ECHDC2: variants seen among roughly 807,000 people sequenced by gnomAD.
ECHDC2 encodes enoyl-CoA hydratase domain containing 2, also known as enoyl-CoA hydratase domain-containing protein 2, mitochondrial.
Under a neutral mutation model 40.6 loss-of-function variants are expected in ECHDC2, and 34 were observed. That is an observed-to-expected ratio of 0.84 (90% CI 0.64 to 1.11). The LOEUF (loss-of-function observed/expected upper bound fraction) is 1.11. Among genes scored for constraint, ECHDC2 ranks in the 50% most tolerant of loss-of-function variants. The probability of loss-of-function intolerance (pLI) is 0.00; values close to 1 mark genes in which losing one functional copy is unlikely to be tolerated. For synonymous variants in ECHDC2, 162 were observed against 166.6 expected (o/e 0.97, Z 0.21); for missense variants, 392 against 400.7 (o/e 0.98, Z 0.19).
rs1649235233 is a variant in ECHDC2 at position 52,910,621 on chromosome 1, G to A, written c.277+945C>T. Among the ~76,000 whole-genome samples the A allele has an allele frequency of 2.0e-5, 3 of 151,914 alleles. No homozygotes were observed. In the South Asian group the frequency reaches 6.3e-4, roughly 32 times the overall value. ...TGACCTCAGGTGATCCACACACCTC[G>A]GCCTCCCAAAGTGCTGGGATTACAG... On this transcript the variant is annotated intron_variant, in intron 3 of 9. Coordinates refer to ENST00000371522, the MANE Select transcript of ECHDC2 (RefSeq NM_001198961.2).
chr1:52,902,044 A>G (rs779114397), intron 7 of ECHDC2: 7 of 152,142 alleles, frequency 4.6e-5, no homozygotes, highest in Non-Finnish European at 1.0e-4. Context: ...AAAAAAGACA[A>G]ATGCTTTCAA....
At chr1:52,905,345 A>C in intron 5 of ECHDC2, 1 of 542,754 alleles carries the variant, frequency 1.8e-6, no homozygotes, top group Non-Finnish European at 3.3e-6. Context: ...CCAAGCCTCA[A>C]AGGTGGAAGA....
intron 3 of ECHDC2, among the ~76,000 whole-genome samples, chr1:52,910,352 G>GCTTTTTTTTTTTTTTTTTTTTTT (rs1649094598): frequency 3.1e-5 from 1 of 32,062 alleles, no homozygotes; most frequent in African/African-American, 1.1e-4. Context: ...CCACAATTTC[G>GCTTTTTTTTTTTTTTTTTTTTTT]TTTTTTTTTT....
At chr1:52,913,858 C>T (rs1650108237) in intron 1 of ECHDC2, 2 of 1,005,768 alleles carry the variant, frequency 2.0e-6, no homozygotes, top group Non-Finnish European at 2.5e-6. Context: ...ACGTATCTGC[C>T]TTGGCTTTGG....
chr1:52,917,392 G>T (rs1381917821), intron 1 of ECHDC2, among the ~76,000 whole-genome samples: 1 of 152,168 alleles, frequency 6.6e-6, no homozygotes, highest in Non-Finnish European at 1.5e-5. Context: ...CAGCCTAGAA[G>T]AGAGACAAGT....
rs776260558 is a variant in ECHDC2, at chr1:52,904,784, C to T, written c.564G>A (p.Glu188=). Residue 188 remains glutamate, a synonymous_variant, in exon 7 of 10, where the codon GAG becomes GAA. Transcript: ENST00000371522. ...TCAGTCGTCGGCCCGTGAAGATGAG[C>T]TCCTTCGCCAGGGCCACCCCCAGAC... is the stretch of plus-strand genomic sequence containing the variant. ...PRCLGVALAK[E]LIFTGRRLSG... 6 of 1,613,180 alleles carry T rather than the reference C, an allele frequency of 3.7e-6. No individual in the cohort carries two copies. The Admixed American group carries it at 1.0e-4, about 27-fold the overall frequency.
rs1462975361 is a variant in ECHDC2 at position 52,921,712 on chromosome 1, T to C, written c.-39A>G. The C allele has an allele frequency of 2.1e-6, 3 of 1,449,772 alleles. No individual in the cohort carries two copies. The highest frequency in any genetic ancestry group is 2.7e-6 in the Non-Finnish European group (3 of 1,104,924). The allele number at this position is 1,449,772 out of a possible 1,614,324, so 89.8% of individuals were successfully genotyped here. A position where few individuals can be genotyped will look rare whatever the true frequency, so the allele number is the denominator to read the frequency against. ...GGGAGTGAAGGTGCTTCTCCGGCCC[T>C]GCACCGTCTCGGCTCCCGCTGAGAG... is the stretch of plus-strand genomic sequence containing the variant. On this transcript the variant is annotated 5_prime_UTR_variant, in exon 1 of 10. Transcript: ENST00000371522.
chr1:52,903,155 C>T lies in ECHDC2; in HGVS notation c.702+1491G>A, dbSNP rs143074599. ...AGATATCCCTGCTGAGGGCTTTGGG[C>T]CCTGCAGCTGGTAGGGTTGTACCTG... On this transcript the variant is annotated intron_variant, in intron 7 of 9. Coordinates refer to ENST00000371522, the MANE Select transcript of ECHDC2 (RefSeq NM_001198961.2). 8.3e-3 allele frequency among the ~76,000 whole-genome samples: 1,265 copies of T among 152,214 alleles called. 13 individuals carry two copies. Among genetic ancestry groups the T allele is most frequent in the South Asian group, 0.015 (72 of 4,824 alleles).
At chr1:52,897,636 AC>A in intron 8 of ECHDC2, 152 bp from the exon 9 acceptor site, 1 of 745,456 alleles carries the variant, frequency 1.3e-6, no homozygotes, top group Non-Finnish European at 2.4e-6. Flanking sequence ...ACCATTCGTA[AC>A]TATGACAAAA....
chr1:52,908,132 G>A (rs2150053556), intron 3 of ECHDC2, among the ~76,000 whole-genome samples, 178 bp from the exon 4 acceptor site: 1 of 152,320 alleles, frequency 6.6e-6, no homozygotes, highest in East Asian at 1.9e-4. Flanking sequence ...AGGAGGGTGT[G>A]ACACTGCAGA....
intron 9 of ECHDC2, 154 bp from the exon 10 acceptor site, chr1:52,896,751 C>A: frequency 1.6e-6 from 1 of 626,690 alleles, no homozygotes; most frequent in East Asian, 2.8e-5. Flanking sequence ...TATAAGCCTC[C>A]GTGGCTGCTT....
At chr1:52,899,477 A>G in intron 7 of ECHDC2, 1 of 538,434 alleles carries the variant, frequency 1.9e-6, no homozygotes, top group Non-Finnish European at 3.3e-6. Context: ...AACATGCACA[A>G]CATAACTAGT....
At position 52,904,644 on chromosome 1, in the gene ECHDC2, A is replaced by ACCTGGGGCAGGATCT; in HGVS notation, c.689_702+1dup. The ACCTGGGGCAGGATCT allele has an allele frequency of 6.3e-7, 1 of 1,582,830 alleles. No homozygotes were observed. Among genetic ancestry groups the ACCTGGGGCAGGATCT allele is most frequent in the Non-Finnish European group, 8.6e-7 (1 of 1,163,096 alleles). ...CCTTCTGGTGCCGAGCTGTCACCAC[A>ACCTGGGGCAGGATCT]CCTGGGGCAGGATCTCCTGGGCCAG... On this transcript the variant is annotated splice_donor_variant, in intron 7 of 9. Coordinates refer to ENST00000371522, the MANE Select transcript of ECHDC2 (RefSeq NM_001198961.2). LOFTEE classifies it high-confidence loss of function.
chr1:52,896,827 G>A (rs1441905649), intron 9 of ECHDC2: 3 of 517,492 alleles, frequency 5.8e-6, no homozygotes, highest in South Asian at 2.6e-5. Context: ...GCCTCCACTT[G>A]CACACTGCTT....
At chr1:52,913,817 A>G (rs1650097374) in intron 1 of ECHDC2, 1 of 630,886 alleles carries the variant, frequency 1.6e-6, no homozygotes, top group East Asian at 1.0e-4. Context: ...GGTGGTGTAC[A>G]CTCTGTGGGT....
intron 1 of ECHDC2, among the ~76,000 whole-genome samples, chr1:52,917,113 C>T (rs1222723986): frequency 6.6e-6 from 1 of 151,942 alleles, no homozygotes; most frequent in Non-Finnish European, 1.5e-5. Flanking sequence ...ATCCCAGCTA[C>T]TTGGGAGGCT....
intron 3 of ECHDC2, among the ~76,000 whole-genome samples, chr1:52,909,523 TAA>T (rs35263010): frequency 4.4e-4 from 60 of 135,268 alleles, no homozygotes; most frequent in Non-Finnish European, 5.9e-4. Context: ...CTGATGAGCT[TAA>T]AAAAAAAAAA....
intron 1 of ECHDC2, chr1:52,915,208 TC>T: frequency 4.4e-6 from 2 of 455,994 alleles, no homozygotes; most frequent in Non-Finnish European, 8.8e-6. Context: ...AGGGCTGAAA[TC>T]CAGCAGGTGC....
rs114718626 is a variant in ECHDC2, at chr1:52,906,115, C to G, written c.457+404G>C. On this transcript the variant is annotated intron_variant, in intron 5 of 9. Coordinates refer to ENST00000371522, the MANE Select transcript of ECHDC2 (RefSeq NM_001198961.2). ...TGCAAATTTGGCTGGTGCCAGTATT[C>G]CTGCCCAGGCACCTTTGTGATTAGC... is the stretch of plus-strand genomic sequence containing the variant. The G allele has an allele frequency of 7.4e-4, 260 of 353,256 alleles. 1 individual carries two copies. Among genetic ancestry groups the G allele is most frequent in the African/African-American group, 5.3e-3 (248 of 46,824 alleles). The allele number at this position is 353,256 out of a possible 1,614,324, so 21.9% of individuals were successfully genotyped here.
Sources: allele counts gnomAD v4.1 joint callset (sites outside exome capture counted in the v4.1 genomes callset), GRCh38; gene constraint gnomAD v4.1.1; transcripts MANE v1.5; gene names NCBI Gene and HGNC (gene_info 2026-07-23, HGNC 2026-07-21).